The following PSD3 variants were observed in gnomAD, a reference collection of about 807,000 sequenced individuals.
PSD3 encodes PH and SEC7 domain-containing protein 3.
A neutral mutation model predicts 105.5 loss-of-function variants in PSD3; 49 were observed. The observed-to-expected ratio is 0.46, with a 90% CI of 0.37 to 0.59. The LOEUF is 0.59. Among genes scored for constraint, PSD3 ranks in the 20% least tolerant of loss-of-function variants. PSD3 has a pLI of 0.00. For synonymous variants in PSD3, 557 were observed against 457.8 expected, an observed-to-expected ratio of 1.22 and a Z score of -2.77; for missense variants, 1,561 against 1,263.8, an observed-to-expected ratio of 1.24 and a Z score of -3.57.
intron 1 of PSD3, among the ~76,000 whole-genome samples, chr8:19,062,710 G>A (rs184772900): frequency 6.0e-4 from 92 of 152,252 alleles, no homozygotes; most frequent in Non-Finnish European, 1.2e-3. Context: ...TAGAAGTTGT[G>A]TTATCACTTA....
chr8:18,662,812 T>C (rs184919532), intron 9 of PSD3, among the ~76,000 whole-genome samples: 3 of 152,242 alleles, frequency 2.0e-5, no homozygotes, highest in Admixed American at 2.0e-4. Flanking sequence ...TTTTGATCAA[T>C]AGCATGACTA....
intron 11 of PSD3, among the ~76,000 whole-genome samples, chr8:18,607,606 T>A (rs1337826351): frequency 7.3e-6 from 1 of 137,316 alleles, no homozygotes. Context: ...GGAGTGATAT[T>A]AAAATTACTT....
At chr8:18,544,961 A>G (rs1232000509) in intron 15 of PSD3, among the ~76,000 whole-genome samples, 1 of 152,172 alleles carries the variant, frequency 6.6e-6, no homozygotes, top group Non-Finnish European at 1.5e-5. Context: ...GGGTCCAACC[A>G]GTTGCCAAGA....
chr8:18,877,186 C>T (rs1186274759), intron 2 of PSD3, among the ~76,000 whole-genome samples: 5 of 152,174 alleles, frequency 3.3e-5, no homozygotes, highest in African/African-American at 4.8e-5. Flanking sequence ...CCAAATTATC[C>T]GTTTTTCCTT....
Position 18,528,817 on chromosome 8 carries a change from T to C in PSD3, c.*6926A>G, listed in dbSNP as rs1199369656. 1 of 152,684 alleles carries C rather than the reference T, an allele frequency of 6.5e-6. No individual in the cohort carries two copies. Among genetic ancestry groups the C allele is most frequent in the African/African-American group, 2.4e-5 (1 of 41,468 alleles). The allele number at this position is 152,684 out of a possible 1,614,324, so 9.5% of individuals were successfully genotyped here. ...AACCAACATTTTCAGGAATTGAAGT[T>C]AGGGTGCTTATTTCTATAACACTAT... On this transcript the variant is annotated 3_prime_UTR_variant, in exon 16 of 16. Transcript: ENST00000327040.
chr8:18,944,266 G>C (rs114698111), intron 1 of PSD3, among the ~76,000 whole-genome samples: 1,933 of 152,226 alleles, frequency 0.013, 32 homozygotes, highest in African/African-American at 0.044. Context: ...ACCTTTTTAA[G>C]TTGACTTAAA....
intron 1 of PSD3, among the ~76,000 whole-genome samples, chr8:19,006,051 C>T (rs1366297237): frequency 2.0e-5 from 3 of 151,724 alleles, no homozygotes; most frequent in Non-Finnish European, 4.4e-5. Context: ...TCCCAGCACT[C>T]TGGGAGGCCG....
chr8:18,703,556 C>A (rs1801715186), intron 9 of PSD3, among the ~76,000 whole-genome samples: 1 of 152,088 alleles, frequency 6.6e-6, no homozygotes, highest in Non-Finnish European at 1.5e-5. Flanking sequence ...GAAAATAAAT[C>A]ACCCAGAGAA....
intron 4 of PSD3, among the ~76,000 whole-genome samples, chr8:18,820,682 G>A (rs1812624642): frequency 6.6e-6 from 1 of 152,002 alleles, no homozygotes; most frequent in Non-Finnish European, 1.5e-5. Context: ...ATCTCCAGTT[G>A]GTGGAAACTG....
chr8:19,038,159 A>C (rs1373494634), intron 1 of PSD3, among the ~76,000 whole-genome samples: 1 of 152,076 alleles, frequency 6.6e-6, no homozygotes, highest in Admixed American at 6.5e-5. Context: ...GCATGTCAGA[A>C]AGAGGGACTC....
intron 1 of PSD3, among the ~76,000 whole-genome samples, chr8:18,957,025 G>A (rs1346126323): frequency 2.6e-5 from 4 of 152,134 alleles, no homozygotes; most frequent in African/African-American, 9.7e-5. Flanking sequence ...TATTCAGTAA[G>A]CAGTGACTGC....
At chr8:18,966,430 G>C (rs1187424221) in intron 1 of PSD3, among the ~76,000 whole-genome samples, 1 of 152,026 alleles carries the variant, frequency 6.6e-6, no homozygotes, top group Non-Finnish European at 1.5e-5. Context: ...AATTAGCTGG[G>C]TGTGGTGGTG....
At chr8:18,977,532 C>T (rs941136328) in intron 1 of PSD3, among the ~76,000 whole-genome samples, 1 of 151,844 alleles carries the variant, frequency 6.6e-6, no homozygotes, top group African/African-American at 2.4e-5. Context: ...AGATAATGGG[C>T]CTTTTTATTT....
At chr8:18,536,346 G>T (rs1799846000) in intron 15 of PSD3, among the ~76,000 whole-genome samples, 1 of 152,112 alleles carries the variant, frequency 6.6e-6, no homozygotes, top group Non-Finnish European at 1.5e-5. Context: ...AGTCACCTGA[G>T]CCTCCCCAGG....
chr8:18,996,939 T>C (rs1826108613), intron 1 of PSD3, among the ~76,000 whole-genome samples: 1 of 151,884 alleles, frequency 6.6e-6, no homozygotes, highest in African/African-American at 2.4e-5. Flanking sequence ...CGGGAGAATC[T>C]GACTCATCTT....
chr8:18,826,047 A>G (rs867992278), intron 4 of PSD3, among the ~76,000 whole-genome samples: 92 of 152,304 alleles, frequency 6.0e-4, no homozygotes, highest in African/African-American at 2.2e-3. Flanking sequence ...GGTGGGTATC[A>G]TCCAAAGCCC....
At chr8:18,641,756 C>G (rs1199012192) in intron 10 of PSD3, among the ~76,000 whole-genome samples, 2 of 152,140 alleles carry the variant, frequency 1.3e-5, no homozygotes, top group East Asian at 3.9e-4. Flanking sequence ...TGGCTCACAT[C>G]TCAATACTGT....
At chr8:18,740,934 C>G (rs1178812913) in intron 9 of PSD3, among the ~76,000 whole-genome samples, 1 of 152,166 alleles carries the variant, frequency 6.6e-6, no homozygotes, top group South Asian at 2.1e-4. Context: ...GTGGATTAAC[C>G]TGGGTGCCTC....
intron 15 of PSD3, among the ~76,000 whole-genome samples, chr8:18,541,567 T>C (rs559408831): frequency 2.0e-5 from 3 of 152,236 alleles, no homozygotes; most frequent in Non-Finnish European, 4.4e-5. Context: ...CAAAGGCTTG[T>C]CCACTTCCAC....
Sources: allele counts gnomAD v4.1 joint callset (sites outside exome capture counted in the v4.1 genomes callset), GRCh38; gene constraint gnomAD v4.1.1; transcripts MANE v1.5; gene names NCBI Gene and HGNC (gene_info 2026-07-23, HGNC 2026-07-21).